Variants in USP37 observed in about 807,000 individuals in gnomAD.
The protein encoded by USP37 is ubiquitin carboxyl-terminal hydrolase 37.
In USP37, 27 loss-of-function variants were observed where a neutral mutation model predicts 124.0. That is an observed-to-expected ratio of 0.22 (90% CI 0.16 to 0.30). USP37 has a LOEUF of 0.30. USP37 is among the 10% of genes least tolerant of loss of function. USP37 has a pLI of 1.00. For synonymous variants in USP37, 365 were observed against 388.0 expected (o/e 0.94, Z 0.70); for missense variants, 889 against 1,140.4 (o/e 0.78, Z 3.17).
At chr2:218,527,637 A>G (rs1396423021) in intron 10 of USP37, among the ~76,000 whole-genome samples, 1 of 152,184 alleles carries the variant, frequency 6.6e-6, no homozygotes, top group African/African-American at 2.4e-5. Context: ...CCATTCTATT[A>G]TTTTGAGAAG....
intron 18 of USP37, among the ~76,000 whole-genome samples, 198 bp from the exon 19 acceptor site, chr2:218,477,179 T>C (rs985809986): frequency 1.3e-5 from 2 of 152,260 alleles, no homozygotes; most frequent in African/African-American, 4.8e-5. Flanking sequence ...TGGACAACTC[T>C]TATGCTACTA....
At chr2:218,476,316 G>A (rs891181761) in intron 19 of USP37, among the ~76,000 whole-genome samples, 2 of 152,164 alleles carry the variant, frequency 1.3e-5, no homozygotes, top group Non-Finnish European at 2.9e-5. Context: ...GCTCATGCCT[G>A]TAATCCCAGC....
chr2:218,515,835 A>G (rs1690246186), intron 10 of USP37, among the ~76,000 whole-genome samples: 1 of 152,214 alleles, frequency 6.6e-6, no homozygotes, highest in East Asian at 1.9e-4. Context: ...AACTTAAACA[A>G]ATTTACAAGA....
At chr2:218,549,464 CTT>C (rs35795642) in intron 6 of USP37, among the ~76,000 whole-genome samples, 97 of 118,434 alleles carry the variant, frequency 8.2e-4, no homozygotes, top group African/African-American at 6.5e-4. Flanking sequence ...CTATGACTAT[CTT>C]TTTTTTTTTT....
chr2:218,516,055 G>A (rs902739135), intron 10 of USP37, among the ~76,000 whole-genome samples: 6 of 152,220 alleles, frequency 3.9e-5, no homozygotes, highest in Non-Finnish European at 8.8e-5. Flanking sequence ...TGGCGATGAT[G>A]TGGAGAAACA....
intron 14 of USP37, among the ~76,000 whole-genome samples, chr2:218,489,560 C>A (rs532035302): frequency 8.6e-5 from 13 of 151,896 alleles, no homozygotes; most frequent in Non-Finnish European, 1.5e-5. Flanking sequence ...CAGCTCACTG[C>A]AACCTCTGCC....
intron 11 of USP37, among the ~76,000 whole-genome samples, chr2:218,502,860 C>T (rs1172654412): frequency 6.6e-6 from 1 of 151,952 alleles, no homozygotes; most frequent in African/African-American, 2.4e-5. Context: ...TTTCAAATAT[C>T]CAAGCTAGAG....
chr2:218,468,204 GTAT>G (rs1472924299), intron 20 of USP37, among the ~76,000 whole-genome samples: 1 of 150,570 alleles, frequency 6.6e-6, no homozygotes, highest in South Asian at 2.1e-4. Flanking sequence ...CATAATTTTT[GTAT>G]TATTATTATT....
At chr2:218,468,855 G>A (rs548713686) in intron 20 of USP37, among the ~76,000 whole-genome samples, 8 of 151,768 alleles carry the variant, frequency 5.3e-5, no homozygotes, top group South Asian at 4.2e-4. Context: ...CACCACACCC[G>A]GCTCATTTTT....
intron 23 of USP37, among the ~76,000 whole-genome samples, chr2:218,458,711 A>G (rs1290396046): frequency 6.6e-6 from 1 of 152,222 alleles, no homozygotes; most frequent in African/African-American, 2.4e-5. Context: ...AATAAGTAGG[A>G]TATTTATTTG....
chr2:218,472,965 T>G (rs1450856603), intron 20 of USP37, among the ~76,000 whole-genome samples: 1 of 152,206 alleles, frequency 6.6e-6, no homozygotes, highest in Non-Finnish European at 1.5e-5. Context: ...TCAGGTCTCT[T>G]TAGTCTTTAG....
intron 11 of USP37, among the ~76,000 whole-genome samples, chr2:218,503,623 A>G (rs1268906712): frequency 6.6e-6 from 1 of 152,116 alleles, no homozygotes; most frequent in Non-Finnish European, 1.5e-5. Flanking sequence ...GCTGAGGCAG[A>G]AGAATTGCTT....
rs185259182 is a variant in USP37 at position 218,475,859 on chromosome 2, G to A, written c.2044-974C>T. ...GAGAATCACTTGAACCTGGGGGATA[G>A]AGACTGCAGTGAGCCAAGATCGTGC... On this transcript the variant is annotated intron_variant, in intron 19 of 25. Transcript: ENST00000258399. 1.3e-3 allele frequency among the ~76,000 whole-genome samples: 201 copies of A among 151,946 alleles called. 1 individual carries two copies. The highest frequency in any genetic ancestry group is 6.2e-3 in the South Asian group (30 of 4,804).
chr2:218,527,345 G>A (rs1691037025), intron 10 of USP37, among the ~76,000 whole-genome samples: 1 of 152,076 alleles, frequency 6.6e-6, no homozygotes, highest in Non-Finnish European at 1.5e-5. Flanking sequence ...GTTCCACTCT[G>A]GTTTACTAGC....
intron 17 of USP37, among the ~76,000 whole-genome samples, chr2:218,480,385 C>T (rs1167444412): frequency 8.7e-6 from 1 of 115,532 alleles, no homozygotes; most frequent in East Asian, 2.4e-4. Flanking sequence ...GGCGACAGAG[C>T]GAGACTCCGT....
chr2:218,453,614 A>G lies in USP37; in HGVS notation c.*1316T>C, dbSNP rs1220624406. The G allele has an allele frequency of 3.9e-5, 6 of 152,236 alleles. No homozygotes were observed. The highest frequency in any genetic ancestry group is 1.3e-4 in the Admixed American group (2 of 15,268). The allele number at this position is 152,236 out of a possible 1,614,324, so 9.4% of individuals were successfully genotyped here. A position where few individuals can be genotyped will look rare whatever the true frequency, so the allele number is the denominator to read the frequency against. On this transcript the variant is annotated 3_prime_UTR_variant, in exon 26 of 26. Transcript: ENST00000258399. ...AAAGAATTCTTTATATGGTTTCATA[A>G]GCTGCTTAACCAAGCTGGTTACGTC...
chr2:218,472,066 G>C (rs565824690), intron 20 of USP37, among the ~76,000 whole-genome samples: 1 of 151,956 alleles, frequency 6.6e-6, no homozygotes, highest in South Asian at 2.1e-4. Flanking sequence ...AGATTAGCTG[G>C]GATGGCTAGA....
In USP37 at chr2:218,459,880, T is replaced by C; in HGVS notation, c.2553A>G (p.Ala851=). ...LQEFNNSFVD[A]LGSDEDSGNE... is the part of the protein sequence containing the mutation. ...TTCCAGAGTCCTCATCAGAACCCAA[T>C]GCATCCACAAAGGAGTTGTTAAACT... The change falls in exon 23 of 26, where the codon GCA becomes GCG. Residue 851 remains alanine, a synonymous_variant. Coordinates refer to ENST00000258399, the MANE Select transcript of USP37 (RefSeq NM_020935.3). 1 of 1,613,716 alleles carries C rather than the reference T, an allele frequency of 6.2e-7. No homozygotes were observed. The highest frequency in any genetic ancestry group is 8.5e-7 in the Non-Finnish European group (1 of 1,179,778).
chr2:218,470,929 G>A (rs1690647434), intron 20 of USP37, among the ~76,000 whole-genome samples: 2 of 152,202 alleles, frequency 1.3e-5, no homozygotes, highest in South Asian at 4.1e-4. Context: ...CAAAAGCTCT[G>A]AGATGAGAAT....
Sources: allele counts gnomAD v4.1 joint callset (sites outside exome capture counted in the v4.1 genomes callset), GRCh38; gene constraint gnomAD v4.1.1; transcripts MANE v1.5; gene names NCBI Gene and HGNC (gene_info 2026-07-23, HGNC 2026-07-21).